The following CDC42BPA variants were observed in gnomAD, a reference collection of about 807,000 sequenced individuals.
The protein encoded by CDC42BPA is serine/threonine-protein kinase MRCK alpha.
Under a neutral mutation model 223.5 loss-of-function variants are expected in CDC42BPA, and 80 were observed. The ratio of observed to expected loss-of-function variants is 0.36; its 90% CI spans 0.30 to 0.43. CDC42BPA has a LOEUF of 0.43. Ranked by LOEUF, CDC42BPA falls within the 20% of genes least tolerant of loss-of-function variation. CDC42BPA has a pLI of 1.00. For synonymous variants in CDC42BPA, 694 were observed against 718.6 expected (o/e 0.97, Z 0.55); for missense variants, 1,743 against 2,099.9 (o/e 0.83, Z 3.32).
chr1:227,007,527 T>C (rs1422219224), intron 34 of CDC42BPA, among the ~76,000 whole-genome samples: 1 of 152,216 alleles, frequency 6.6e-6, no homozygotes, highest in Non-Finnish European at 1.5e-5. Flanking sequence ...TCTTCCAACA[T>C]AATTTAAGAG....
intron 6 of CDC42BPA, among the ~76,000 whole-genome samples, chr1:227,152,871 A>C (rs954552672): frequency 2.0e-5 from 3 of 152,088 alleles, no homozygotes; most frequent in Non-Finnish European, 4.4e-5. Context: ...AAATGGATGG[A>C]AAGGGATATA....
At position 227,028,593 on chromosome 1, in the gene CDC42BPA, G is replaced by A. The variant is rs529153863; in HGVS notation, c.4432+64C>T. On this transcript the variant is annotated intron_variant, in intron 30 of 36. Transcript: ENST00000366766. ...TCAACAATGACAACATTTGGGAGAC[G>A]AAGTAGAAGGGAAAAGGAAGAAGAG... 30 of 1,095,744 alleles carry A rather than the reference G, an allele frequency of 2.7e-5. 1 individual carries two copies. Among genetic ancestry groups the A allele is most frequent in the Middle Eastern group, 4.2e-4 (2 of 4,766 alleles). The allele number at this position is 1,095,744 out of a possible 1,614,324, so 67.9% of individuals were successfully genotyped here. A position where few individuals can be genotyped will look rare whatever the true frequency, so the allele number is the denominator to read the frequency against.
intron 3 of CDC42BPA, among the ~76,000 whole-genome samples, chr1:227,209,304 A>C (rs1033212146): frequency 8.0e-5 from 12 of 150,028 alleles, no homozygotes; most frequent in African/African-American, 3.0e-4. Flanking sequence ...GTCTGCAAAC[A>C]GGGACAATTT....
intron 1 of CDC42BPA, among the ~76,000 whole-genome samples, chr1:227,310,693 G>GTT (rs200902466): frequency 2.1e-5 from 3 of 143,448 alleles, no homozygotes; most frequent in Non-Finnish European, 4.6e-5. Flanking sequence ...TTTGTTTTTT[G>GTT]TTTTTTTTTT....
At chr1:227,076,887 A>G (rs1424742578) in intron 17 of CDC42BPA, among the ~76,000 whole-genome samples, 1 of 152,104 alleles carries the variant, frequency 6.6e-6, no homozygotes, top group Admixed American at 6.6e-5. Flanking sequence ...TAATTGCTCT[A>G]GTATTAAACC....
intron 2 of CDC42BPA, among the ~76,000 whole-genome samples, chr1:227,248,800 A>G (rs1302507803): frequency 1.3e-5 from 2 of 152,148 alleles, no homozygotes; most frequent in African/African-American, 4.8e-5. Context: ...CAAAAAACTG[A>G]AAAAATATTC....
intron 11 of CDC42BPA, among the ~76,000 whole-genome samples, chr1:227,127,160 AC>A (rs1368194449): frequency 6.6e-6 from 1 of 152,206 alleles, no homozygotes; most frequent in Non-Finnish European, 1.5e-5. Context: ...AAAATACGAT[AC>A]CATTTGGAAT....
intron 1 of CDC42BPA, among the ~76,000 whole-genome samples, chr1:227,297,029 G>A (rs1444046716): frequency 6.6e-6 from 1 of 152,096 alleles, no homozygotes; most frequent in Non-Finnish European, 1.5e-5. Flanking sequence ...ATGCATATGG[G>A]GAGGCTGGAA....
chr1:227,233,419 C>T (rs1388951255), intron 2 of CDC42BPA, among the ~76,000 whole-genome samples: 1 of 152,074 alleles, frequency 6.6e-6, no homozygotes, highest in African/African-American at 2.4e-5. Context: ...TGTCCTGTTC[C>T]TGATCTTAGA....
intron 5 of CDC42BPA, among the ~76,000 whole-genome samples, chr1:227,163,156 ATATG>A (rs1237795229): frequency 2.0e-5 from 3 of 151,056 alleles, no homozygotes; most frequent in African/African-American, 4.9e-5. Flanking sequence ...TTCCAAACAT[ATATG>A]TGTGTATATG....
At chr1:227,175,040 T>C (rs899612261) in intron 5 of CDC42BPA, among the ~76,000 whole-genome samples, 1 of 152,198 alleles carries the variant, frequency 6.6e-6, no homozygotes, top group Non-Finnish European at 1.5e-5. Flanking sequence ...CATTGATTTA[T>C]TGCATGCATT....
In CDC42BPA at chr1:227,016,066, T is replaced by C. The variant is rs778417923; in HGVS notation, c.4857+14A>G. The C allele has an allele frequency of 6.3e-6, 9 of 1,417,600 alleles. No homozygotes were observed. The highest frequency in any genetic ancestry group is 8.0e-6 in the Non-Finnish European group (8 of 1,002,314). 87.8% of individuals were successfully genotyped at this position (1,417,600 alleles called of 1,614,324 possible). A position where few individuals can be genotyped will look rare whatever the true frequency, so the allele number is the denominator to read the frequency against. On this transcript the variant is annotated intron_variant, in intron 34 of 36. Transcript: ENST00000366766. ...CACCCGCCCTTTTTTACACTCACTC[T>C]TAATTCCTCTTACCATGGGCAGATC...
intron 10 of CDC42BPA, among the ~76,000 whole-genome samples, chr1:227,137,678 C>A (rs200524138): frequency 8.7e-4 from 125 of 144,086 alleles, no homozygotes; most frequent in Middle Eastern, 3.6e-3. Context: ...AACAGCAGTA[C>A]AAAAAAAAAA....
chr1:227,074,115 C>A, intron 18 of CDC42BPA, 103 bp from the exon 19 acceptor site: 1 of 1,417,434 alleles, frequency 7.1e-7, no homozygotes, highest in Non-Finnish European at 9.7e-7. Context: ...GGAAAAGACC[C>A]AAACTAATAG....
chr1:227,127,813 A>T (rs1656151848), intron 11 of CDC42BPA, among the ~76,000 whole-genome samples: 1 of 152,240 alleles, frequency 6.6e-6, no homozygotes, highest in Non-Finnish European at 1.5e-5. Context: ...TAATATAAAC[A>T]AAGTATTAAT....
intron 1 of CDC42BPA, among the ~76,000 whole-genome samples, chr1:227,261,892 T>G (rs1263149584): frequency 6.6e-6 from 1 of 152,122 alleles, no homozygotes; most frequent in Non-Finnish European, 1.5e-5. Flanking sequence ...ACATGAGGGT[T>G]TGGAGTCTGA....
intron 21 of CDC42BPA, among the ~76,000 whole-genome samples, chr1:227,064,520 T>C (rs957788355): frequency 6.6e-6 from 1 of 152,072 alleles, no homozygotes; most frequent in Non-Finnish European, 1.5e-5. Flanking sequence ...ACTATTGGGA[T>C]GAAGGGAATA....
chr1:227,112,633 T>C (rs1687120039), intron 13 of CDC42BPA, 38 bp downstream of exon 13: 10 of 1,582,114 alleles, frequency 6.3e-6, no homozygotes, highest in Admixed American at 1.8e-5. Flanking sequence ...CTTTAATCAC[T>C]ATCCCATGGG....
At chr1:227,275,805 T>C (rs115319671) in intron 1 of CDC42BPA, among the ~76,000 whole-genome samples, 8 of 152,236 alleles carry the variant, frequency 5.3e-5, no homozygotes, top group Middle Eastern at 3.4e-3. Context: ...GGTTTCGCCA[T>C]GTTCGCCGGG....
Sources: allele counts gnomAD v4.1 joint callset (sites outside exome capture counted in the v4.1 genomes callset), GRCh38; gene constraint gnomAD v4.1.1; transcripts MANE v1.5; gene names NCBI Gene and HGNC (gene_info 2026-07-23, HGNC 2026-07-21).